Variants in UGDH observed in about 807,000 individuals in gnomAD.
UGDH encodes the protein UDP-glucose 6-dehydrogenase.
A neutral mutation model predicts 50.6 loss-of-function variants in UGDH; 38 were observed. That is an observed-to-expected ratio of 0.75 (90% CI 0.58 to 0.98). The LOEUF is 0.98. UGDH is among the 50% of genes least tolerant of loss of function. The probability of loss-of-function intolerance (pLI) is 0.00; values close to 1 mark genes in which losing one functional copy is unlikely to be tolerated. For missense variants in UGDH, 465 were observed against 606.2 expected (o/e 0.77, Z 2.45); for synonymous variants, 168 against 199.9 (o/e 0.84, Z 1.35).
At chr4:39,506,007 G>A (rs1746011173) in intron 7 of UGDH, among the ~76,000 whole-genome samples, 1 of 151,812 alleles carries the variant, frequency 6.6e-6, no homozygotes. Flanking sequence ...CGAGGTGGGC[G>A]ATTGCTTGAG....
Position 39,518,569 on chromosome 4 carries a change from G to A in UGDH, c.162+2782C>T, listed in dbSNP as rs565008273. Reference sequence around the variant, plus strand: ...TCACTATATTGACCAGGATGGAGTCGGCCTCCAAAAGTGCTGGGATTACAG... The same window carrying A: ...TCACTATATTGACCAGGATGGAGTCAGCCTCCAAAAGTGCTGGGATTACAG... On this transcript the variant is annotated intron_variant, in intron 2 of 11. Transcript: ENST00000316423. 2.3e-4 allele frequency among the ~76,000 whole-genome samples: 35 copies of A among 150,256 alleles called. No homozygotes were observed. In the East Asian group the frequency reaches 6.5e-3, roughly 28 times the overall value.
chr4:39,505,723 C>T lies in UGDH; in HGVS notation c.932G>A (p.Arg311Lys). The T allele has an allele frequency of 6.2e-7, 1 of 1,607,932 alleles. No individual in the cohort carries two copies. Among genetic ancestry groups the T allele is most frequent in the Non-Finnish European group, 8.5e-7 (1 of 1,176,600 alleles). Residue 311 changes from arginine (R) to lysine (K), a missense_variant, in exon 8 of 12, where the codon AGG (arginine) becomes AAG (lysine). Coordinates refer to ENST00000316423, the MANE Select transcript of UGDH (RefSeq NM_003359.4). ...QQVIDMNDYQ[R>K]RRFASRIIDS... ...TATGATCCGGGAAGCAAACCTCCTC[C>T]TCTGGTAGTCATTCATGTCTATGAC...
chr4:39,520,811 C>T (rs1201505705), intron 2 of UGDH, among the ~76,000 whole-genome samples: 1 of 151,744 alleles, frequency 6.6e-6, no homozygotes, highest in South Asian at 2.1e-4. Context: ...CAGTGGCTCA[C>T]GCCTGTAATC....
chr4:39,517,691 T>G (rs1746488094), intron 2 of UGDH, among the ~76,000 whole-genome samples: 1 of 152,230 alleles, frequency 6.6e-6, no homozygotes, highest in African/African-American at 2.4e-5. Flanking sequence ...TGCCCTCTCC[T>G]AGTCACTACT....
At chr4:39,509,633 AAAT>A in intron 6 of UGDH, 124 bp downstream of exon 6, 3 of 1,115,556 alleles carry the variant, frequency 2.7e-6, no homozygotes, top group Non-Finnish European at 3.6e-6. Flanking sequence ...CTAAAAAAGA[AAAT>A]AACAGCATCT....
chr4:39,515,920 G>A (rs1215921243), intron 2 of UGDH, among the ~76,000 whole-genome samples: 1 of 151,960 alleles, frequency 6.6e-6, no homozygotes, highest in Non-Finnish European at 1.5e-5. Flanking sequence ...GGCTGGTCTC[G>A]AACTCCTGGC....
intron 2 of UGDH, 146 bp downstream of exon 2, chr4:39,521,205 T>C: frequency 1.3e-6 from 1 of 748,048 alleles, no homozygotes; most frequent in Non-Finnish European, 2.0e-6. Context: ...TGTGTTTTAA[T>C]GTCCATGTGT....
chr4:39,519,767 C>T (rs970405294), intron 2 of UGDH, among the ~76,000 whole-genome samples: 75 of 151,770 alleles, frequency 4.9e-4, no homozygotes, highest in African/African-American at 1.6e-3. Context: ...CTTAAACTCC[C>T]GACCTCAGGT....
intron 3 of UGDH, 66 bp from the exon 4 acceptor site, chr4:39,510,927 A>T: frequency 6.6e-7 from 1 of 1,521,622 alleles, no homozygotes; most frequent in Non-Finnish European, 9.1e-7. Flanking sequence ...ATATACCCTG[A>T]ACTACTGGTT....
intron 1 of UGDH, among the ~76,000 whole-genome samples, chr4:39,524,290 T>C (rs1746788735): frequency 6.6e-6 from 1 of 152,196 alleles, no homozygotes; most frequent in Non-Finnish European, 1.5e-5. Flanking sequence ...GTTCATAGTT[T>C]AATAAGGCAC....
chr4:39,506,664 G>A (rs3796520), intron 7 of UGDH, among the ~76,000 whole-genome samples: 92,662 of 151,560 alleles, frequency 0.61, 28,996 homozygotes, highest in East Asian at 0.87. Flanking sequence ...GTTGGTAACC[G>A]GGTGGGCGAA....
intron 2 of UGDH, among the ~76,000 whole-genome samples, chr4:39,519,219 A>ATTT (rs34649850): frequency 1.7e-3 from 245 of 146,068 alleles, no homozygotes; most frequent in East Asian, 7.0e-3. Context: ...GCCTGGCCGT[A>ATTT]TTTTTTTTTT....
intron 7 of UGDH, among the ~76,000 whole-genome samples, chr4:39,507,792 A>T (rs1746084470): frequency 6.6e-6 from 1 of 152,014 alleles, no homozygotes; most frequent in East Asian, 1.9e-4. Flanking sequence ...TACAAACAAA[A>T]TTTTTTAAAT....
intron 9 of UGDH, among the ~76,000 whole-genome samples, chr4:39,504,888 T>C (rs567459498): frequency 2.6e-5 from 4 of 152,328 alleles, no homozygotes; most frequent in South Asian, 2.1e-4. Flanking sequence ...CATAAGGGGA[T>C]AGTACTATAG....
chr4:39,523,743 G>A (rs772065624), intron 1 of UGDH, among the ~76,000 whole-genome samples: 9 of 151,426 alleles, frequency 5.9e-5, no homozygotes, highest in Non-Finnish European at 1.2e-4. Context: ...GGCGGAGGTT[G>A]CAGTGAGCTG....
intron 3 of UGDH, among the ~76,000 whole-genome samples, chr4:39,511,318 T>C (rs1165750925): frequency 6.6e-6 from 1 of 151,236 alleles, no homozygotes; most frequent in Non-Finnish European, 1.5e-5. Flanking sequence ...TAGAGTGCAG[T>C]AGTGTAATCT....
rs181928617 is a variant in UGDH at position 39,509,925 on chromosome 4, T to G, written c.664-18A>C. Reference sequence around the variant, plus strand: ...TTTGCTGCCTTAAAAAAAAAAAACATAGAGAAGAGTAAGATAAGCTAAAAC... The same window carrying G: ...TTTGCTGCCTTAAAAAAAAAAAACAGAGAGAAGAGTAAGATAAGCTAAAAC... On this transcript the variant is annotated intron_variant, in intron 5 of 11. Transcript: ENST00000316423. The G allele has an allele frequency of 3.9e-6, 6 of 1,547,264 alleles. No individual in the cohort carries two copies. Among genetic ancestry groups the G allele is most frequent in the African/African-American group, 2.8e-5 (2 of 71,526 alleles).
intron 11 of UGDH, among the ~76,000 whole-genome samples, chr4:39,502,557 T>G (rs1264048478): frequency 6.6e-6 from 1 of 152,164 alleles, no homozygotes; most frequent in African/African-American, 2.4e-5. Flanking sequence ...TGGCATATTT[T>G]TTTATTCTCC....
At chr4:39,525,063 T>C (rs1490328255) in intron 1 of UGDH, among the ~76,000 whole-genome samples, 4 of 152,260 alleles carry the variant, frequency 2.6e-5, no homozygotes, top group African/African-American at 9.6e-5. Context: ...AAGGCTGATG[T>C]ACAATCTGTG....
Sources: allele counts gnomAD v4.1 joint callset (sites outside exome capture counted in the v4.1 genomes callset), GRCh38; gene constraint gnomAD v4.1.1; transcripts MANE v1.5; gene names NCBI Gene and HGNC (gene_info 2026-07-23, HGNC 2026-07-21).